Variants in ATAD1 observed in about 807,000 individuals in gnomAD.
ATAD1 encodes ATPase family AAA domain containing 1.
ATAD1 carries 18 observed loss-of-function variants against 42.7 expected under a neutral mutation model. The observed-to-expected ratio is 0.42, with a 90% CI of 0.29 to 0.63. ATAD1 has a LOEUF of 0.63. Among genes scored for constraint, ATAD1 ranks in the 20% least tolerant of loss-of-function variants. ATAD1 has a pLI of 0.19. For missense variants in ATAD1, 294 were observed against 440.4 expected (o/e 0.67, Z 2.98); for synonymous variants, 132 against 143.1 (o/e 0.92, Z 0.55).
At chr10:87,764,461 C>T (rs1038215670) in intron 8 of ATAD1, among the ~76,000 whole-genome samples, 1 of 151,868 alleles carries the variant, frequency 6.6e-6, no homozygotes, top group Non-Finnish European at 1.5e-5. Flanking sequence ...GACTCCGTCA[C>T]AAAAAACAAA....
upstream of ATAD1, among the ~76,000 whole-genome samples, chr10:87,822,988 A>G (rs552191247): frequency 9.9e-5 from 15 of 152,086 alleles, no homozygotes; most frequent in African/African-American, 3.1e-4. Flanking sequence ...ATAAGAAAGA[A>G]TAAGATAGAA....
intron 8 of ATAD1, among the ~76,000 whole-genome samples, chr10:87,764,991 T>C (rs1447420475): frequency 6.6e-6 from 1 of 152,042 alleles, no homozygotes; most frequent in African/African-American, 2.4e-5. Context: ...GACTTGTACA[T>C]AGACTAGATA....
At chr10:87,777,429 G>T (rs1348690393) in intron 5 of ATAD1, among the ~76,000 whole-genome samples, 1 of 151,988 alleles carries the variant, frequency 6.6e-6, no homozygotes, top group African/African-American at 2.4e-5. Context: ...TGCTAATTAC[G>T]TTGTATTATA....
intron 8 of ATAD1, among the ~76,000 whole-genome samples, chr10:87,765,703 T>C (rs894240310): frequency 4.6e-5 from 7 of 152,096 alleles, no homozygotes; most frequent in Admixed American, 2.6e-4. Context: ...ATTCATTCCA[T>C]CCCTAAAGAA....
intron 5 of ATAD1, among the ~76,000 whole-genome samples, chr10:87,779,408 T>C (rs1855466824): frequency 1.3e-5 from 2 of 152,106 alleles, no homozygotes; most frequent in South Asian, 2.1e-4. Flanking sequence ...CAAAAAATAT[T>C]TGCAAACACA....
chr10:87,804,468 C>T (rs527314264), intron 2 of ATAD1, among the ~76,000 whole-genome samples: 1 of 152,112 alleles, frequency 6.6e-6, no homozygotes, highest in East Asian at 1.9e-4. Flanking sequence ...CACTAGGGTT[C>T]AAGCGATTCT....
At chr10:87,807,213 A>C (rs551444037) in intron 2 of ATAD1, among the ~76,000 whole-genome samples, 3 of 152,292 alleles carry the variant, frequency 2.0e-5, no homozygotes, top group African/African-American at 7.2e-5. Flanking sequence ...ATATACCAAC[A>C]TTTATACAAA....
chr10:87,793,380 C>T (rs1856223243), intron 2 of ATAD1, among the ~76,000 whole-genome samples: 1 of 152,074 alleles, frequency 6.6e-6, no homozygotes, highest in Non-Finnish European at 1.5e-5. Context: ...TACAACAAAG[C>T]TTTCAATTAA....
chr10:87,785,133 CA>C (rs1855765129), intron 4 of ATAD1, among the ~76,000 whole-genome samples: 1 of 152,250 alleles, frequency 6.6e-6, no homozygotes, highest in Middle Eastern at 3.4e-3. Flanking sequence ...TGCCTTTTTC[CA>C]AACAATCTTT....
At chr10:87,763,413 C>T (rs1285178134) in intron 8 of ATAD1, among the ~76,000 whole-genome samples, 1 of 152,184 alleles carries the variant, frequency 6.6e-6, no homozygotes, top group African/African-American at 2.4e-5. Context: ...AATCCTAGCA[C>T]TTTGGGAGTC....
intron 8 of ATAD1, among the ~76,000 whole-genome samples, chr10:87,760,289 T>A (rs1182490368): frequency 6.6e-6 from 1 of 152,120 alleles, no homozygotes; most frequent in Non-Finnish European, 1.5e-5. Flanking sequence ...GGGGACAGAC[T>A]TCCCCCTTGT....
chr10:87,805,390 A>G (rs746129498), intron 2 of ATAD1, among the ~76,000 whole-genome samples: 3 of 152,178 alleles, frequency 2.0e-5, no homozygotes, highest in Non-Finnish European at 4.4e-5. Flanking sequence ...CTCCATCCCC[A>G]ATGCCAATTT....
intron 2 of ATAD1, among the ~76,000 whole-genome samples, chr10:87,800,266 TAA>T (rs1856624808): frequency 1.3e-5 from 2 of 152,070 alleles, no homozygotes; most frequent in African/African-American, 2.4e-5. Context: ...TAATAAATTA[TAA>T]GAGATTTTAA....
intron 3 of ATAD1, among the ~76,000 whole-genome samples, 165 bp from the exon 4 acceptor site, chr10:87,790,595 C>T (rs192752027): frequency 4.2e-4 from 64 of 152,206 alleles, no homozygotes; most frequent in Admixed American, 3.9e-3. Flanking sequence ...ATGAAATAAA[C>T]TGCTATGAAA....
At chr10:87,774,168 T>C (rs1438395386) in intron 6 of ATAD1, among the ~76,000 whole-genome samples, 1 of 152,114 alleles carries the variant, frequency 6.6e-6, no homozygotes, top group Non-Finnish European at 1.5e-5. Flanking sequence ...GCTTAAGGGA[T>C]CCTTAAACCC....
chr10:87,829,302 C>G (rs189612745), intron 1 of ATAD1, among the ~76,000 whole-genome samples: 20 of 151,738 alleles, frequency 1.3e-4, no homozygotes, highest in African/African-American at 4.8e-4. Flanking sequence ...GTCTCCCAGG[C>G]TGGAGTGTAG....
At chr10:87,763,461 C>T (rs773333182) in intron 8 of ATAD1, among the ~76,000 whole-genome samples, 34 of 152,292 alleles carry the variant, frequency 2.2e-4, no homozygotes, top group Admixed American at 7.8e-4. Context: ...GAGTTCAAAA[C>T]CTGCCTGGAT....
chr10:87,784,660 G>A lies in ATAD1; in HGVS notation c.393C>T (p.Leu131=), dbSNP rs761568214. 1 of 1,612,552 alleles carries A rather than the reference G, an allele frequency of 6.2e-7. No individual in the cohort carries two copies. The highest frequency in any genetic ancestry group is 1.1e-5 in the South Asian group (1 of 90,958). The change falls in exon 5 of 10, where the codon CTC becomes CTT. Residue 131 remains leucine, a synonymous_variant. Transcript: ENST00000680024. ...TTTTACCACAGCCTGGAGGCCCATA[G>A]AGAAGAACACCTGGAAATGAATATG... The part of the protein sequence containing the change: ...RLLQPPKGVL[L]YGPPGCGKTL...
At position 87,755,107 on chromosome 10, in the gene ATAD1, A is replaced by G. The variant is rs550527791; in HGVS notation, c.966-300T>C. ...AAATAGCTACAAAGACTTCACATCT[A>G]TAAGTACACAATATTACCATAAGGT... On this transcript the variant is annotated intron_variant, in intron 9 of 9. Coordinates refer to ENST00000680024, the MANE Select transcript of ATAD1 (RefSeq NM_001321967.2). Among the ~76,000 whole-genome samples the G allele has an allele frequency of 1.1e-4, 16 of 152,338 alleles. No homozygotes were observed. In the East Asian group the frequency reaches 2.5e-3, roughly 24 times the overall value.
Sources: allele counts gnomAD v4.1 joint callset (sites outside exome capture counted in the v4.1 genomes callset), GRCh38; gene constraint gnomAD v4.1.1; transcripts MANE v1.5; gene names NCBI Gene and HGNC (gene_info 2026-07-23, HGNC 2026-07-21).